SSPN: variants seen among roughly 807,000 people sequenced by gnomAD.
The protein encoded by SSPN is K-ras oncogene-associated protein.
A neutral mutation model predicts 19.1 loss-of-function variants in SSPN; 15 were observed. The observed-to-expected ratio is 0.78, with a 90% confidence interval of 0.52 to 1.21. The LOEUF is 1.21. Among genes scored for constraint, SSPN ranks in the 50% most tolerant of loss-of-function variants. SSPN has a pLI of 0.00. For missense variants in SSPN, 291 were observed against 314.0 expected (o/e 0.93, Z 0.55); for synonymous variants, 147 against 140.3 (o/e 1.05, Z -0.34).
chr12:26,122,368 C>A (rs563321241), intron 1 of SSPN: 2 of 1,191,062 alleles, frequency 1.7e-6, no homozygotes, highest in African/African-American at 3.2e-5. Flanking sequence ...GGGAACGGGG[C>A]GGCAGCCGCC....
At chr12:26,216,033 A>C (rs1487384739) in intron 1 of SSPN, among the ~76,000 whole-genome samples, 2 of 152,236 alleles carry the variant, frequency 1.3e-5, no homozygotes, top group East Asian at 3.8e-4. Flanking sequence ...AGATGATTAA[A>C]TGCAAGAATA....
intron 1 of SSPN, among the ~76,000 whole-genome samples, chr12:26,189,589 A>G (rs1473193079): frequency 5.3e-5 from 8 of 152,172 alleles, no homozygotes; most frequent in Non-Finnish European, 1.2e-4. Flanking sequence ...AGTGTCTTCC[A>G]TTAAATAAAA....
intron 1 of SSPN, among the ~76,000 whole-genome samples, chr12:26,145,551 C>T (rs17464154): frequency 0.26 from 39,966 of 152,092 alleles, 5,485 homozygotes; most frequent in South Asian, 0.37. Flanking sequence ...GATGGCAGGA[C>T]GTTCTGTCTC....
chr12:26,172,902 A>T (rs1944662354), intron 1 of SSPN, among the ~76,000 whole-genome samples: 1 of 151,948 alleles, frequency 6.6e-6, no homozygotes, highest in African/African-American at 2.4e-5. Flanking sequence ...CTATTGTTCC[A>T]ATCTCCTATG....
chr12:26,221,928 A>C (rs891086309), intron 1 of SSPN, among the ~76,000 whole-genome samples: 9 of 152,364 alleles, frequency 5.9e-5, no homozygotes, highest in Middle Eastern at 3.4e-3. Flanking sequence ...GTGAGAATAA[A>C]TAGTAAACCC....
chr12:26,187,464 G>A (rs565058547), intron 1 of SSPN, among the ~76,000 whole-genome samples: 4 of 152,238 alleles, frequency 2.6e-5, no homozygotes, highest in Non-Finnish European at 5.9e-5. Flanking sequence ...CAGGAATTCA[G>A]TAACTTCTAT....
chr12:26,218,502 GA>G (rs1945084400), intron 1 of SSPN, among the ~76,000 whole-genome samples: 1 of 148,472 alleles, frequency 6.7e-6, no homozygotes, highest in African/African-American at 2.5e-5. Context: ...AAAAAAAAAA[GA>G]AATGCAAATT....
At chr12:26,224,407 A>G in intron 2 of SSPN, 28 bp downstream of exon 2, 4 of 1,537,208 alleles carry the variant, frequency 2.6e-6, no homozygotes, top group Non-Finnish European at 2.7e-6. Flanking sequence ...TTTCTCTTTT[A>G]TCATCACATA....
At chr12:26,178,677 G>A (rs138223244) in intron 1 of SSPN, among the ~76,000 whole-genome samples, 108 of 152,324 alleles carry the variant, frequency 7.1e-4, no homozygotes, top group African/African-American at 2.5e-3. Flanking sequence ...GTGCAGACAC[G>A]TGCCTCAGCA....
At chr12:26,202,583 G>A (rs1944895974) in intron 1 of SSPN, among the ~76,000 whole-genome samples, 1 of 152,172 alleles carries the variant, frequency 6.6e-6, no homozygotes, top group South Asian at 2.1e-4. Context: ...CAATGGCATA[G>A]GTTTCTCTAA....
At chr12:26,201,038 T>A (rs1417351892) in intron 1 of SSPN, among the ~76,000 whole-genome samples, 2 of 59,896 alleles carry the variant, frequency 3.3e-5, no homozygotes, top group Non-Finnish European at 6.2e-5. Context: ...TATATATATA[T>A]ATATATATTA....
chr12:26,187,261 C>T (rs1282640013), intron 1 of SSPN, among the ~76,000 whole-genome samples: 1 of 152,244 alleles, frequency 6.6e-6, no homozygotes, highest in Non-Finnish European at 1.5e-5. Flanking sequence ...AGCAGTCCCA[C>T]AGACCATGTT....
intron 1 of SSPN, among the ~76,000 whole-genome samples, chr12:26,136,158 G>A (rs1029195794): frequency 4.6e-5 from 7 of 152,208 alleles, no homozygotes; most frequent in African/African-American, 1.7e-4. Flanking sequence ...GGTGTCATAA[G>A]TAATCTAGAG....
chr12:26,208,707 G>A (rs905307872), intron 1 of SSPN, among the ~76,000 whole-genome samples: 5 of 151,778 alleles, frequency 3.3e-5, no homozygotes, highest in African/African-American at 9.7e-5. Context: ...TTGCTTTTGG[G>A]TATTCATATC....
At chr12:26,229,426 T>C (rs1023118529) in intron 2 of SSPN, among the ~76,000 whole-genome samples, 1 of 152,118 alleles carries the variant, frequency 6.6e-6, no homozygotes, top group Non-Finnish European at 1.5e-5. Flanking sequence ...AAAGTAAAAA[T>C]GTAAATACAG....
At position 26,198,838 on chromosome 12, in the gene SSPN, G is replaced by A. The variant is rs570820123; in HGVS notation, c.279+2887G>A. 4.6e-5 allele frequency among the ~76,000 whole-genome samples: 7 copies of A among 152,260 alleles called. 1 individual carries two copies. Among genetic ancestry groups the A allele is most frequent in the Non-Finnish European group, 7.4e-5 (5 of 68,006 alleles). ...CAAGGTCATTTTTCCTTTGGGATAT[G>A]CAGTGATTCAGGGCTGGTATATCCT... On this transcript the variant is annotated intron_variant, in intron 1 of 2. Coordinates refer to ENST00000242729, the MANE Select transcript of SSPN (RefSeq NM_005086.5).
At chr12:26,178,645 G>A (rs1944699578) in intron 1 of SSPN, among the ~76,000 whole-genome samples, 2 of 152,168 alleles carry the variant, frequency 1.3e-5, no homozygotes, top group Admixed American at 1.3e-4. Context: ...GAGCAAAAAG[G>A]AACAGAGTGG....
At chr12:26,129,730 G>A (rs1487130612) in intron 1 of SSPN, among the ~76,000 whole-genome samples, 1 of 152,144 alleles carries the variant, frequency 6.6e-6, no homozygotes, top group East Asian at 1.9e-4. Flanking sequence ...TATGAACCAT[G>A]TTTTACATTT....
At chr12:26,123,191 G>T (rs1288445879) in intron 1 of SSPN, 2 of 1,563,790 alleles carry the variant, frequency 1.3e-6, no homozygotes, top group Non-Finnish European at 1.7e-6. Flanking sequence ...AGGGATGGGG[G>T]TGGGGGACGG....
Sources: allele counts gnomAD v4.1 joint callset (sites outside exome capture counted in the v4.1 genomes callset), GRCh38; gene constraint gnomAD v4.1.1; transcripts MANE v1.5; gene names NCBI Gene and HGNC (gene_info 2026-07-23, HGNC 2026-07-21).